The following MZT2B variants were observed in gnomAD, a reference collection of about 807,000 sequenced individuals.
The protein encoded by MZT2B is mitotic-spindle organizing protein 2B.
A neutral mutation model predicts 12.1 loss-of-function variants in MZT2B; 11 were observed. The ratio of observed to expected loss-of-function variants is 0.91; its 90% confidence interval spans 0.57 to 1.50. The LOEUF (loss-of-function observed/expected upper bound fraction) is 1.50. Among genes scored for constraint, MZT2B ranks in the 40% most tolerant of loss-of-function variants. MZT2B has a pLI of 0.00. For missense variants in MZT2B, 209 were observed against 227.7 expected (o/e 0.92, Z 0.53); for synonymous variants, 85 against 109.5 (o/e 0.78, Z 1.40).
At chr2:130,201,195 G>A in the MZT2B span, among the ~76,000 whole-genome samples, 3 of 152,356 alleles carry the variant, frequency 2.0e-5, no homozygotes, top group South Asian at 6.2e-4. Flanking sequence ...GCAAAAGGAG[G>A]AGGGGCAGGG....
chr2:130,184,643 A>G (rs760793083), intron 2 of MZT2B: 8 of 985,202 alleles, frequency 8.1e-6, no homozygotes, highest in African/African-American at 1.7e-5. Flanking sequence ...GGGCTGAGGG[A>G]CAGGCCTGGA....
downstream of MZT2B, chr2:130,195,125 A>G: frequency 6.2e-7 from 1 of 1,613,004 alleles, no homozygotes; most frequent in Non-Finnish European, 8.5e-7. Flanking sequence ...CTCCTTGCCG[A>G]TGGTGTAATG....
chr2:130,203,536 GT>G, the MZT2B span, among the ~76,000 whole-genome samples: 1 of 151,956 alleles, frequency 6.6e-6, no homozygotes, highest in South Asian at 2.1e-4. Context: ...AGCTGAACTT[GT>G]GGTAAGTCCT....
At chr2:130,196,902 T>A in the MZT2B span, among the ~76,000 whole-genome samples, 1 of 152,140 alleles carries the variant, frequency 6.6e-6, no homozygotes, top group Non-Finnish European at 1.5e-5. Flanking sequence ...ATCAGAGGCC[T>A]TCCTCGCCCT....
intron 2 of MZT2B, 46 bp from the exon 3 acceptor site, chr2:130,190,423 T>C (rs1365672994): frequency 2.5e-6 from 4 of 1,600,010 alleles, no homozygotes; most frequent in Non-Finnish European, 3.4e-6. Context: ...GTGCTGCAGT[T>C]ACGGGGCACG....
intron 2 of MZT2B, among the ~76,000 whole-genome samples, chr2:130,185,932 C>T (rs1360147840): frequency 3.9e-5 from 6 of 151,926 alleles, no homozygotes; most frequent in African/African-American, 7.3e-5. Flanking sequence ...ATGAGGGCAC[C>T]GAGGCCCTGT....
rs199867536 is a variant in MZT2B at position 130,190,722 on chromosome 2, A to G, written c.*96A>G. The G allele has an allele frequency of 6.6e-5, 97 of 1,469,434 alleles. No individual in the cohort carries two copies. The highest frequency in any genetic ancestry group is 8.0e-5 in the Non-Finnish European group (89 of 1,107,956). 91.0% of individuals were successfully genotyped at this position (1,469,434 alleles called of 1,614,324 possible). On this transcript the variant is annotated 3_prime_UTR_variant, in exon 3 of 3. Transcript: ENST00000281871. Reference sequence around the variant, plus strand: ...AACCTTTCTGAGATGCAGAGGGTCCAGGTCAGATGTTGTCTACCGTTTTTT... The same window carrying G: ...AACCTTTCTGAGATGCAGAGGGTCCGGGTCAGATGTTGTCTACCGTTTTTT...
At chr2:130,183,552 G>T (rs1243690011) in intron 2 of MZT2B, 2 of 673,030 alleles carry the variant, frequency 3.0e-6, no homozygotes, top group Non-Finnish European at 5.3e-6. Context: ...CTGAAATGCA[G>T]CACAACCTCC....
chr2:130,195,209 G>A (rs750710620), downstream of MZT2B: 3 of 1,613,850 alleles, frequency 1.9e-6, no homozygotes, highest in Admixed American at 1.7e-5. Context: ...CTGCCTGTAG[G>A]TCCCTGTGCG....
chr2:130,186,938 G>T (rs1482822398), intron 2 of MZT2B, among the ~76,000 whole-genome samples: 1 of 128,808 alleles, frequency 7.8e-6, no homozygotes, highest in African/African-American at 2.9e-5. Context: ...AGTGAATGAG[G>T]CTGGGCATTG....
At chr2:130,184,648 C>G in intron 2 of MZT2B, 1 of 985,304 alleles carries the variant, frequency 1.0e-6, no homozygotes, top group Non-Finnish European at 1.2e-6. Flanking sequence ...GAGGGACAGG[C>G]CTGGAGTAGG....
chr2:130,193,690 CA>C, downstream of MZT2B: 1 of 1,468,352 alleles, frequency 6.8e-7, no homozygotes, highest in East Asian at 2.3e-5. Context: ...GCCCATGGAA[CA>C]GGGATAGTCT....
At chr2:130,190,084 C>CCTG (rs1280791175) in intron 2 of MZT2B, among the ~76,000 whole-genome samples, 1 of 152,210 alleles carries the variant, frequency 6.6e-6, no homozygotes, top group African/African-American at 2.4e-5. Flanking sequence ...GCAGCGCATC[C>CCTG]CTGCTGCTGC....
At chr2:130,192,015 C>G, downstream of MZT2B, 1 of 1,614,118 alleles carries the variant, frequency 6.2e-7, no homozygotes, top group Non-Finnish European at 8.5e-7. Flanking sequence ...ATGGACCAGG[C>G]GGGCCCAGGC....
chr2:130,181,944 T>C, upstream of MZT2B: 1 of 1,406,022 alleles, frequency 7.1e-7, no homozygotes, highest in Non-Finnish European at 9.4e-7. Flanking sequence ...GAAAGAGGCA[T>C]TTACCGAGCG....
chr2:130,202,314 T>C, the MZT2B span: 1 of 1,289,208 alleles, frequency 7.8e-7, no homozygotes, highest in African/African-American at 1.5e-5. Context: ...CTTTTGCTCA[T>C]ATTCAAACAG....
intron 2 of MZT2B, among the ~76,000 whole-genome samples, chr2:130,187,428 A>T (rs1690107833): frequency 6.6e-6 from 1 of 152,140 alleles, no homozygotes; most frequent in African/African-American, 2.4e-5. Flanking sequence ...GCCTCAAAGG[A>T]TCCTCCCGCC....
At chr2:130,196,295 T>C in the MZT2B span, 8 of 1,614,084 alleles carry the variant, frequency 5.0e-6, no homozygotes, top group Admixed American at 3.3e-5. Flanking sequence ...AATTCCATGT[T>C]CAAGGCAGTA....
chr2:130,191,629 T>C, downstream of MZT2B: 1 of 834,290 alleles, frequency 1.2e-6, no homozygotes, highest in Non-Finnish European at 1.8e-6. Context: ...TGTACAGTCC[T>C]GCTGCACCCA....
Sources: gnomAD v4.1 joint callset for allele counts (sites outside exome capture counted in the v4.1 genomes callset) on GRCh38, gnomAD v4.1.1 for gene constraint, MANE v1.5 for transcripts, NCBI Gene and HGNC (gene_info 2026-07-23, HGNC 2026-07-21) for gene names.